Variants in OTOA observed in about 807,000 individuals in gnomAD.
OTOA encodes otoancorin, also known as cancer/testis antigen 108.
Under a neutral mutation model 110.8 loss-of-function variants are expected in OTOA, and 70 were observed. The observed-to-expected ratio is 0.63, with a 90% CI of 0.52 to 0.77. OTOA has a LOEUF of 0.77. Among genes scored for constraint, OTOA ranks in the 30% least tolerant of loss-of-function variants. OTOA has a pLI of 0.00. For missense variants in OTOA, 917 were observed against 1,075.8 expected (o/e 0.85, Z 2.06); for synonymous variants, 373 against 431.5 (o/e 0.86, Z 1.68).
intron 27 of OTOA, among the ~76,000 whole-genome samples, chr16:21,755,961 G>C (rs2141764555): frequency 6.6e-6 from 1 of 151,496 alleles, no homozygotes; most frequent in South Asian, 2.1e-4. Context: ...GGTGGGCAGA[G>C]TTTTTTCCAG....
chr16:21,758,826 A>T (rs1343769671), intron 28 of OTOA, among the ~76,000 whole-genome samples: 1 of 151,506 alleles, frequency 6.6e-6, no homozygotes, highest in African/African-American at 2.4e-5. Context: ...ACATGGCAAA[A>T]CCCCGTCTCT....
At chr16:21,699,375 C>A (rs1880621210) in intron 10 of OTOA, among the ~76,000 whole-genome samples, 1 of 152,188 alleles carries the variant, frequency 6.6e-6, no homozygotes, top group African/African-American at 2.4e-5. Flanking sequence ...GTGGCCCATG[C>A]CAGTAATCCC....
chr16:21,725,903 A>G (rs1438466556), intron 18 of OTOA, among the ~76,000 whole-genome samples: 1 of 152,106 alleles, frequency 6.6e-6, no homozygotes, highest in Non-Finnish European at 1.5e-5. Flanking sequence ...AGTCTTTTTT[A>G]TCTCCATCCA....
chr16:21,715,441 T>G (rs910388579), intron 14 of OTOA, among the ~76,000 whole-genome samples: 7 of 150,906 alleles, frequency 4.6e-5, no homozygotes, highest in African/African-American at 1.5e-4. Flanking sequence ...AGGTTCAAGT[T>G]TGTTTTTTTT....
chr16:21,756,440 A>G (rs1316388803), intron 27 of OTOA, among the ~76,000 whole-genome samples: 3 of 152,002 alleles, frequency 2.0e-5, no homozygotes, highest in Admixed American at 1.3e-4. Flanking sequence ...TTTATCCCCA[A>G]AGCCCACGGA....
rs464696 is a variant in OTOA, at chr16:21,736,312, A to C, written c.2353A>C (p.Thr785Pro). ...TTCCAAGATGGCCAGGACCCTGCCC[A>C]CTAAAGAATTCCTCTGGGCTGTCTT... is the stretch of plus-strand genomic sequence containing the variant. Reference protein sequence around the residue: ...AASKMARTLPTKEFLWAVFQS... With the variant: ...AASKMARTLPPKEFLWAVFQS... Residue 785 changes from threonine to proline, a missense_variant, in exon 22 of 29, where the codon ACT (threonine) becomes CCT (proline). Transcript: ENST00000646100. 3.3e-3 allele frequency: 5,216 copies of C among 1,567,854 alleles called. No individual in the cohort carries two copies. In the East Asian group the frequency reaches 0.11, roughly 33 times the overall value.
chr16:21,668,431 A>AT (rs1966844828), intron 1 of OTOA, among the ~76,000 whole-genome samples: 1 of 123,432 alleles, frequency 8.1e-6, no homozygotes, highest in Non-Finnish European at 1.8e-5. Context: ...ATTTTATGGT[A>AT]TTTTTTGTTT....
chr16:21,697,571 G>A (rs1897969218), intron 9 of OTOA, among the ~76,000 whole-genome samples: 1 of 152,128 alleles, frequency 6.6e-6, no homozygotes, highest in Admixed American at 6.5e-5. Context: ...GGCGGAGGTT[G>A]AGATGAGCTG....
intron 14 of OTOA, among the ~76,000 whole-genome samples, chr16:21,716,115 G>A (rs753821462): frequency 1.3e-5 from 2 of 151,376 alleles, no homozygotes; most frequent in South Asian, 4.2e-4. Flanking sequence ...TGCCCAGGCT[G>A]GTCTCAAACT....
intron 13 of OTOA, among the ~76,000 whole-genome samples, chr16:21,712,565 G>T (rs1312440328): frequency 2.0e-5 from 3 of 151,894 alleles, no homozygotes; most frequent in African/African-American, 7.3e-5. Flanking sequence ...ACTAGGCCAG[G>T]CACGATGGCT....
chr16:21,677,608 A>G (rs570567204), intron 1 of OTOA, among the ~76,000 whole-genome samples: 2 of 149,492 alleles, frequency 1.3e-5, no homozygotes, highest in East Asian at 4.0e-4. Context: ...CAGCCTCCTG[A>G]GTAGCTGGGA....
chr16:21,728,214 C>G, intron 19 of OTOA, 27 bp from the exon 20 acceptor site: 1 of 1,613,758 alleles, frequency 6.2e-7, no homozygotes, highest in Non-Finnish European at 8.5e-7. Context: ...GTTGGAACTG[C>G]CCATTGGCTC....
chr16:21,673,457 C>G (rs191607760), intron 1 of OTOA, among the ~76,000 whole-genome samples: 1 of 152,290 alleles, frequency 6.6e-6, no homozygotes, highest in African/African-American at 2.4e-5. Context: ...TCATGCATCC[C>G]TTGACAGCCT....
At position 21,705,042 on chromosome 16, in the gene OTOA, T is replaced by C. The variant is rs1898131198; in HGVS notation, c.981-127T>C. 4 of 1,449,152 alleles carry C rather than the reference T, an allele frequency of 2.8e-6. No homozygotes were observed. In the African/African-American group the frequency reaches 5.6e-5, roughly 20 times the overall value. 89.8% of individuals were successfully genotyped at this position (1,449,152 alleles called of 1,614,324 possible). A position where few individuals can be genotyped will look rare whatever the true frequency, so the allele number is the denominator to read the frequency against. Reference sequence around the variant, plus strand: ...GGTTCATCTGAGGATGTTCAGGTTATGTGACCTTCAACCTGGGAGTCCGTG... The same window carrying C: ...GGTTCATCTGAGGATGTTCAGGTTACGTGACCTTCAACCTGGGAGTCCGTG... On this transcript the variant is annotated intron_variant, in intron 11 of 28. Coordinates refer to ENST00000646100, the MANE Select transcript of OTOA (RefSeq NM_144672.4).
At position 21,687,655 on chromosome 16, in the gene OTOA, G is replaced by A; in HGVS notation, c.635+7G>A. On this transcript the variant is annotated splice_region_variant and intron_variant, in intron 8 of 28. Coordinates refer to ENST00000646100, the MANE Select transcript of OTOA (RefSeq NM_144672.4). ...AGGATGCCTTTAAGAACCTGTGAGT[G>A]GTTCCTCCGAACTTTTTTTTTTTTT... The A allele has an allele frequency of 1.3e-6, 2 of 1,599,894 alleles. No homozygotes were observed. Among genetic ancestry groups the A allele is most frequent in the African/African-American group, 1.3e-5 (1 of 74,362 alleles).
chr16:21,725,402 A>G (rs1460865810), intron 18 of OTOA, among the ~76,000 whole-genome samples: 1 of 152,064 alleles, frequency 6.6e-6, no homozygotes, highest in African/African-American at 2.4e-5. Context: ...CTTCCACTTC[A>G]GCCTCTAGAG....
intron 9 of OTOA, among the ~76,000 whole-genome samples, chr16:21,693,164 T>C (rs570371966): frequency 2.0e-5 from 3 of 152,102 alleles, no homozygotes; most frequent in African/African-American, 7.2e-5. Context: ...CTCAGGAGGC[T>C]GAGGTGGGAG....
At position 21,691,689 on chromosome 16, in the gene OTOA, T is replaced by A. The variant is rs1567370370; in HGVS notation, c.739+2T>A. The stretch of plus-strand genomic sequence containing the variant: ...TGCAGACATCCTCCAATGCCACTGG[T>A]GAGCCTGTACTTGGAGGTGGGGTCA... On this transcript the variant is annotated splice_donor_variant, in intron 9 of 28. Transcript: ENST00000646100. LOFTEE classifies it high-confidence loss of function. The A allele has an allele frequency of 1.2e-6, 2 of 1,612,252 alleles. No homozygotes were observed. The highest frequency in any genetic ancestry group is 1.7e-6 in the Non-Finnish European group (2 of 1,178,422).
At chr16:21,675,311 T>C (rs1966855667) in intron 1 of OTOA, among the ~76,000 whole-genome samples, 1 of 116,976 alleles carries the variant, frequency 8.5e-6, no homozygotes, top group Non-Finnish European at 1.8e-5. Context: ...CTGGCTATTT[T>C]TTTTTTTTTT....
Sources: gnomAD v4.1 joint callset for allele counts (sites outside exome capture counted in the v4.1 genomes callset) on GRCh38, gnomAD v4.1.1 for gene constraint, MANE v1.5 for transcripts, NCBI Gene and HGNC (gene_info 2026-07-23, HGNC 2026-07-21) for gene names.